The following NEBL variants were observed in gnomAD, a reference collection of about 807,000 sequenced individuals.
The protein encoded by NEBL is LIM and SH3 protein 2.
NEBL carries 122 observed loss-of-function variants against 140.2 expected under a neutral mutation model. The observed-to-expected ratio is 0.87, with a 90% CI of 0.75 to 1.01. NEBL has a LOEUF of 1.01. Ranked by LOEUF, NEBL falls within the 50% of genes least tolerant of loss-of-function variation. The probability of loss-of-function intolerance (pLI) is 0.00; values close to 1 mark genes in which losing one functional copy is unlikely to be tolerated. For missense variants in NEBL, 1,365 were observed against 1,231.3 expected, an observed-to-expected ratio of 1.11 and a Z score of -1.62; for synonymous variants, 436 against 398.9, an observed-to-expected ratio of 1.09 and a Z score of -1.11.
chr10:21,024,938 C>T (rs990945121), intron 2 of NEBL, among the ~76,000 whole-genome samples: 4 of 152,206 alleles, frequency 2.6e-5, no homozygotes, highest in Non-Finnish European at 5.9e-5. Flanking sequence ...TAGCACCATA[C>T]AATTAATTCT....
At chr10:20,786,022 G>A in intron 27 of NEBL, 99 bp from the exon 28 acceptor site, 2 of 1,198,562 alleles carry the variant, frequency 1.7e-6, no homozygotes, top group Non-Finnish European at 2.4e-6. Flanking sequence ...TAACTATTAG[G>A]AATGTTTTCA....
In NEBL at chr10:20,852,581, A is replaced by G. The variant is rs764659096; in HGVS notation, c.972T>C (p.His324=). The change falls in exon 10 of 28, where the codon CAT becomes CAC. Residue 324 remains histidine, a synonymous_variant. Transcript: ENST00000377122. ...MYHFDADAVE[H]LHHKGNAVLQ... is the part of the protein sequence containing the mutation. The stretch of plus-strand genomic sequence containing the variant: ...GGACGGCATTGCCTTTATGGTGCAG[A>G]TGTTCCACAGCATCTGCATCAAAAT... 54 of 1,613,766 alleles carry G rather than the reference A, an allele frequency of 3.3e-5. 4 individuals are homozygous for G. The highest frequency in any genetic ancestry group is 1.9e-4 in the South Asian group (17 of 91,090).
chr10:20,937,276 A>G (rs1834542136), intron 4 of NEBL, among the ~76,000 whole-genome samples: 1 of 152,292 alleles, frequency 6.6e-6, no homozygotes, highest in African/African-American at 2.4e-5. Context: ...TTTTTATTTA[A>G]CAGCAACTTT....
intron 21 of NEBL, 147 bp from the exon 22 acceptor site, chr10:20,815,864 GCTCAGGCAATCCTCCCAC>G: frequency 1.5e-6 from 1 of 672,238 alleles, no homozygotes; most frequent in Non-Finnish European, 2.7e-6. Context: ...GATCTCCCAG[GCTCAGGCAATCCTCCCAC>G]CTCAGCCTCC....
chr10:21,238,047 G>A (rs999681605), intron 3 of NEBL, among the ~76,000 whole-genome samples: 5 of 152,172 alleles, frequency 3.3e-5, no homozygotes, highest in African/African-American at 1.2e-4. Context: ...AGAATTCCTG[G>A]AACACGGAGA....
chr10:21,162,450 T>C (rs1004687656), intron 2 of NEBL, among the ~76,000 whole-genome samples: 1 of 152,204 alleles, frequency 6.6e-6, no homozygotes, highest in African/African-American at 2.4e-5. Flanking sequence ...TTTGTTGGGA[T>C]CTGTGCCCTT....
chr10:21,114,352 A>T (rs914993255), intron 2 of NEBL, among the ~76,000 whole-genome samples: 22 of 152,092 alleles, frequency 1.4e-4, no homozygotes, highest in African/African-American at 5.3e-4. Context: ...AATATGGTCT[A>T]TCTTGGTAAA....
intron 2 of NEBL, among the ~76,000 whole-genome samples, chr10:21,079,197 G>C (rs910798563): frequency 2.0e-5 from 3 of 152,126 alleles, no homozygotes; most frequent in Admixed American, 1.3e-4. Context: ...TGGCAAATCT[G>C]GGAAAGTGTC....
In NEBL at chr10:20,887,014, C is replaced by T. The variant is rs554945000; in HGVS notation, c.369+1083G>A. ...GAGACAGATGAGGTCCCTGCTCTCA[C>T]GTAGCTGAGAGAGCTAAAGAATAGA... On this transcript the variant is annotated intron_variant, in intron 4 of 27. Transcript: ENST00000377122. Among the ~76,000 whole-genome samples, 5 of 152,278 alleles carry T rather than the reference C, an allele frequency of 3.3e-5. No individual in the cohort carries two copies. The South Asian group carries it at 8.3e-4, about 25-fold the overall frequency.
At chr10:20,905,056 T>C (rs1848030819) in intron 4 of NEBL, among the ~76,000 whole-genome samples, 1 of 152,148 alleles carries the variant, frequency 6.6e-6, no homozygotes, top group Admixed American at 6.5e-5. Context: ...CACATTAAAA[T>C]GGGGAAATAA....
At chr10:21,182,923 G>A (rs186057032) in intron 3 of NEBL, among the ~76,000 whole-genome samples, 32 of 152,104 alleles carry the variant, frequency 2.1e-4, no homozygotes, top group Middle Eastern at 3.4e-3. Context: ...TATTTATAGC[G>A]CCTCTCAAAT....
At chr10:21,185,813 T>C (rs1841460673) in intron 3 of NEBL, among the ~76,000 whole-genome samples, 1 of 152,178 alleles carries the variant, frequency 6.6e-6, no homozygotes, top group African/African-American at 2.4e-5. Context: ...CTGCCCCCTT[T>C]TCCTCAGACC....
At chr10:20,987,630 A>C (rs1032621887) in intron 3 of NEBL, among the ~76,000 whole-genome samples, 1 of 152,154 alleles carries the variant, frequency 6.6e-6, no homozygotes, top group African/African-American at 2.4e-5. Flanking sequence ...TATTTCAAGC[A>C]TCTCAGTCTA....
At chr10:20,886,836 C>T (rs1241523726) in intron 4 of NEBL, among the ~76,000 whole-genome samples, 1 of 152,044 alleles carries the variant, frequency 6.6e-6, no homozygotes, top group Non-Finnish European at 1.5e-5. Context: ...TATTATTAAC[C>T]TAAAATGTGA....
chr10:20,937,944 G>T (rs953713075), intron 4 of NEBL, among the ~76,000 whole-genome samples: 1 of 152,214 alleles, frequency 6.6e-6, no homozygotes, highest in East Asian at 1.9e-4. Flanking sequence ...CGGCCAGGAA[G>T]CTTGAACTGG....
rs1380787883 is a variant in NEBL at position 21,227,513 on chromosome 10, T to C, written n.348+20408A>G. Among the ~76,000 whole-genome samples, 4 of 152,368 alleles carry C rather than the reference T, an allele frequency of 2.6e-5. No homozygotes were observed. In the East Asian group the frequency reaches 7.7e-4, roughly 29 times the overall value. ...GGTTTCCCGATAAAAGGAAACACTT[T>C]TTCTTGAAGGTGTTTGACTTTCCAC... is the stretch of plus-strand genomic sequence containing the variant. On this transcript the variant is annotated intron_variant and non_coding_transcript_variant, in intron 3 of 8. Transcript: ENST00000675702.
intron 3 of NEBL, among the ~76,000 whole-genome samples, chr10:21,194,276 G>A (rs2132219907): frequency 6.6e-6 from 1 of 152,186 alleles, no homozygotes; most frequent in South Asian, 2.1e-4. Context: ...CCAGCCTTAA[G>A]TGTATTTTAA....
intron 2 of NEBL, among the ~76,000 whole-genome samples, chr10:21,120,407 T>C (rs1204691643): frequency 4.0e-5 from 5 of 124,498 alleles, no homozygotes; most frequent in South Asian, 5.2e-4. Context: ...TATATATATA[T>C]ATATATATAT....
chr10:21,216,740 T>C (rs1471167309), intron 3 of NEBL, among the ~76,000 whole-genome samples: 7 of 134,258 alleles, frequency 5.2e-5, no homozygotes, highest in South Asian at 2.3e-4. Context: ...CACTGCACTC[T>C]AGGCTGGGCA....
Sources: gnomAD v4.1 joint callset for allele counts (sites outside exome capture counted in the v4.1 genomes callset) on GRCh38, gnomAD v4.1.1 for gene constraint, MANE v1.5 for transcripts, NCBI Gene and HGNC (gene_info 2026-07-23, HGNC 2026-07-21) for gene names.